NADK2: variants seen among roughly 807,000 people sequenced by gnomAD.
The protein encoded by NADK2 is NAD kinase domain-containing protein 1, mitochondrial.
NADK2 carries 35 observed loss-of-function variants against 62.1 expected under a neutral mutation model. The observed-to-expected ratio is 0.56, with a 90% CI of 0.43 to 0.75. The LOEUF (loss-of-function observed/expected upper bound fraction) is 0.75, where lower values mean the gene tolerates loss of function less well. Among genes scored for constraint, NADK2 ranks in the 30% least tolerant of loss-of-function variants. The probability of loss-of-function intolerance (pLI) is 0.00; values close to 1 mark genes in which losing one functional copy is unlikely to be tolerated. For synonymous variants in NADK2, 205 were observed against 207.9 expected (o/e 0.99, Z 0.12); for missense variants, 439 against 561.3 (o/e 0.78, Z 2.20).
intron 4 of NADK2, 136 bp from the exon 5 acceptor site, chr5:36,219,815 T>C: frequency 1.6e-6 from 1 of 616,412 alleles, no homozygotes; most frequent in Non-Finnish European, 2.7e-6. Flanking sequence ...CTATATTCCA[T>C]TTTTTGCCAC....
intron 1 of NADK2, among the ~76,000 whole-genome samples, chr5:36,230,236 A>T (rs190558135): frequency 1.3e-5 from 2 of 151,714 alleles, no homozygotes; most frequent in East Asian, 3.9e-4. Context: ...CATTCCCAAC[A>T]CTCTAATCTC....
At position 36,193,167 on chromosome 5, in the gene NADK2, T is replaced by A. The variant is rs142537080; in HGVS notation, c.*1977A>T. 6.6e-6 allele frequency: 1 copy of A among 152,244 alleles called. No homozygotes were observed. The highest frequency in any genetic ancestry group is 1.9e-4 in the East Asian group (1 of 5,174). 9.4% of individuals were successfully genotyped at this position (152,244 alleles called of 1,614,324 possible). The stretch of plus-strand genomic sequence containing the variant: ...ATTTCCTTGAGATTAAGGATGGAGT[T>A]GGCATTTTTCCTTTAAGAAGGCATT... On this transcript the variant is annotated 3_prime_UTR_variant, in exon 12 of 12. Coordinates refer to ENST00000381937, the MANE Select transcript of NADK2 (RefSeq NM_001085411.3).
intron 10 of NADK2, 95 bp from the exon 11 acceptor site, chr5:36,197,759 G>T (rs767732013): frequency 1.1e-5 from 12 of 1,065,380 alleles, no homozygotes; most frequent in Non-Finnish European, 1.5e-5. Context: ...TTTAAATTCT[G>T]TTCCAAAAGT....
intron 6 of NADK2, 54 bp downstream of exon 6, chr5:36,217,694 A>C: frequency 6.2e-7 from 1 of 1,606,296 alleles, no homozygotes; most frequent in South Asian, 1.1e-5. Flanking sequence ...TTGAGGTCAA[A>C]GGAGCTATGA....
At chr5:36,221,268 G>C (rs926522971) in intron 4 of NADK2, 1 of 152,132 alleles carries the variant, frequency 6.6e-6, no homozygotes, top group Non-Finnish European at 1.5e-5. Flanking sequence ...CATGTGAGTG[G>C]GCCATCTTGA....
chr5:36,217,112 G>A (rs1371495714), intron 6 of NADK2, among the ~76,000 whole-genome samples: 2 of 152,044 alleles, frequency 1.3e-5, no homozygotes, highest in African/African-American at 4.8e-5. Flanking sequence ...AATTTATCCA[G>A]AAAATAAAAC....
chr5:36,200,341 T>A (rs191373536), intron 9 of NADK2, 61 bp from the exon 10 acceptor site: 1 of 1,108,394 alleles, frequency 9.0e-7, no homozygotes, highest in Non-Finnish European at 1.2e-6. Flanking sequence ...ATATATATAT[T>A]TTCCTTGAAA....
chr5:36,200,867 A>G (rs1746419205), intron 9 of NADK2, among the ~76,000 whole-genome samples: 1 of 152,062 alleles, frequency 6.6e-6, no homozygotes, highest in South Asian at 2.1e-4. Context: ...AAGCCATAAA[A>G]TGCTTCCTTT....
Position 36,197,634 on chromosome 5 carries a change from T to C in NADK2, c.1097A>G (p.Tyr366Cys). The C allele has an allele frequency of 6.3e-7, 1 of 1,595,178 alleles. No homozygotes were observed. Among genetic ancestry groups the C allele is most frequent in the Non-Finnish European group, 8.5e-7 (1 of 1,173,784 alleles). Reference protein sequence around the residue: ...VTNEYNESLLYSPEEPKILFS... With the variant: ...VTNEYNESLLCSPEEPKILFS... Reference sequence around the variant, plus strand: ...AAGTATTTTTGGTTCTTCCGGACTGTAGAGCAGTGATTCATTATATTCATT... The same window carrying C: ...AAGTATTTTTGGTTCTTCCGGACTGCAGAGCAGTGATTCATTATATTCATT... The change falls in exon 11 of 12, where the codon TAC becomes TGC. Residue 366 changes from tyrosine to cysteine, a missense_variant. Tyr to Cys is a radical substitution (Grantham distance 194, BLOSUM62 -2). Coordinates refer to ENST00000381937, the MANE Select transcript of NADK2 (RefSeq NM_001085411.3).
At chr5:36,215,448 A>T (rs1031947791) in intron 6 of NADK2, among the ~76,000 whole-genome samples, 1 of 152,172 alleles carries the variant, frequency 6.6e-6, no homozygotes, top group African/African-American at 2.4e-5. Context: ...GAATATTTCA[A>T]ATCTTCTCTT....
chr5:36,197,690 C>T, intron 10 of NADK2, 26 bp from the exon 11 acceptor site: 1 of 1,513,254 alleles, frequency 6.6e-7, no homozygotes, highest in African/African-American at 1.4e-5. Flanking sequence ...AATTAGCACA[C>T]TCAATAAAAG....
intron 6 of NADK2, chr5:36,213,273 C>G (rs1406573842): frequency 6.6e-6 from 1 of 152,126 alleles, no homozygotes; most frequent in Non-Finnish European, 1.5e-5. Flanking sequence ...AGATGCTAAA[C>G]TGAGTGATTT....
At chr5:36,202,882 CTT>C (rs1440097344) in intron 8 of NADK2, among the ~76,000 whole-genome samples, 2 of 152,042 alleles carry the variant, frequency 1.3e-5, no homozygotes, top group Non-Finnish European at 2.9e-5. Context: ...AAGAAATAGA[CTT>C]ATACTGTGTT....
intron 1 of NADK2, among the ~76,000 whole-genome samples, chr5:36,229,491 T>G (rs1055657210): frequency 1.3e-5 from 2 of 152,056 alleles, no homozygotes; most frequent in African/African-American, 4.8e-5. Flanking sequence ...GTAGAATTTC[T>G]TAATATGGAC....
chr5:36,234,241 C>T (rs983941402), intron 1 of NADK2, among the ~76,000 whole-genome samples: 4 of 151,028 alleles, frequency 2.6e-5, no homozygotes, highest in African/African-American at 4.9e-5. Context: ...GGCATGGTGG[C>T]GCGCGCCTGT....
chr5:36,238,477 T>C (rs1036297744), intron 1 of NADK2, among the ~76,000 whole-genome samples: 4 of 152,332 alleles, frequency 2.6e-5, no homozygotes, highest in East Asian at 3.9e-4. Flanking sequence ...CATTAAAATT[T>C]TTTTTCCTTA....
In NADK2 at chr5:36,195,163, G is replaced by A. The variant is rs1746180873; in HGVS notation, c.1310C>T (p.Thr437Ile). ...AATCCTTCACTGTTCAAGAAGCACA[G>A]TTCGAAGCTCATCTTCTTTATTGAT... ...MMINKEDELR[T>I]VLLEQ Residue 437 changes from threonine (T) to isoleucine (I), a missense_variant, in exon 12 of 12, where the codon ACT (threonine) becomes ATT (isoleucine). Thr to Ile is a moderately conservative substitution (Grantham distance 89). Coordinates refer to ENST00000381937, the MANE Select transcript of NADK2 (RefSeq NM_001085411.3). 2 of 1,612,076 alleles carry A rather than the reference G, an allele frequency of 1.2e-6. No homozygotes were observed. The highest frequency in any genetic ancestry group is 1.7e-6 in the Non-Finnish European group (2 of 1,179,288).
In NADK2 at chr5:36,226,497, T is replaced by C; in HGVS notation, c.456A>G (p.Ala152=). The C allele has an allele frequency of 8.1e-6, 13 of 1,612,916 alleles. No individual in the cohort carries two copies. Among genetic ancestry groups the C allele is most frequent in the Non-Finnish European group, 1.0e-5 (12 of 1,179,312 alleles). The change falls in exon 3 of 12, where the codon GCA becomes GCG. Residue 152 remains alanine, a synonymous_variant. Coordinates refer to ENST00000381937, the MANE Select transcript of NADK2 (RefSeq NM_001085411.3). ...REYDEETVRW[A]DAVIAAGGDG... ...TACCTCCTGCAGCTATGACAGCATC[T>C]GCCCATCGAACAGTCTCTTCATCAT...
intron 10 of NADK2, 24 bp from the exon 11 acceptor site, chr5:36,197,688 C>T (rs778546045): frequency 2.2e-5 from 34 of 1,517,156 alleles, no homozygotes; most frequent in Non-Finnish European, 2.9e-5. Flanking sequence ...AAAATTAGCA[C>T]ACTCAATAAA....
Sources: allele counts gnomAD v4.1 joint callset (sites outside exome capture counted in the v4.1 genomes callset), GRCh38; gene constraint gnomAD v4.1.1; transcripts MANE v1.5; gene names NCBI Gene and HGNC (gene_info 2026-07-23, HGNC 2026-07-21).